The following ADAM23 variants were observed in gnomAD, a reference collection of about 807,000 sequenced individuals.
The protein encoded by ADAM23 is disintegrin and metalloproteinase domain-containing protein 23.
ADAM23 carries 33 observed loss-of-function variants against 120.1 expected under a neutral mutation model. That is an observed-to-expected ratio of 0.27 (90% confidence interval 0.21 to 0.37). The LOEUF is 0.37. Among genes scored for constraint, ADAM23 ranks in the 10% least tolerant of loss-of-function variants. The pLI, the probability that ADAM23 is intolerant of heterozygous loss-of-function variation, is 1.00. For missense variants in ADAM23, 862 were observed against 1,058.2 expected, an observed-to-expected ratio of 0.81 and a Z score of 2.57; for synonymous variants, 367 against 375.2, an observed-to-expected ratio of 0.98 and a Z score of 0.25.
intron 4 of ADAM23, among the ~76,000 whole-genome samples, chr2:206,538,825 G>T (rs1697234119): frequency 6.6e-6 from 1 of 152,034 alleles, no homozygotes; most frequent in Non-Finnish European, 1.5e-5. Flanking sequence ...TGCCCAGGCT[G>T]GTCTCAAACT....
intron 2 of ADAM23, among the ~76,000 whole-genome samples, chr2:206,465,030 A>G (rs1171385149): frequency 6.6e-6 from 1 of 151,990 alleles, no homozygotes; most frequent in Non-Finnish European, 1.5e-5. Flanking sequence ...TTCTGCCCTA[A>G]GTACTACAAC....
chr2:206,619,784 CATCTT>C lies in ADAM23; in HGVS notation c.*2161_*2165del, dbSNP rs1470487209. On this transcript the variant is annotated 3_prime_UTR_variant, in exon 26 of 26. Coordinates refer to ENST00000264377, the MANE Select transcript of ADAM23 (RefSeq NM_003812.4). ...TATTCTACAATAGACCATCACCAAA[CATCTT>C]ATCATGTTGTTGCTTTCTGAGTAAT... The C allele has an allele frequency of 6.6e-6, 1 of 152,160 alleles. No individual in the cohort carries two copies. Among genetic ancestry groups the C allele is most frequent in the Non-Finnish European group, 1.5e-5 (1 of 68,038 alleles). 9.4% of individuals were successfully genotyped at this position (152,160 alleles called of 1,614,324 possible). A position where few individuals can be genotyped will look rare whatever the true frequency, so the allele number is the denominator to read the frequency against.
rs1003037860 is a variant in ADAM23 at position 206,547,411 on chromosome 2, A to G, written c.721-18A>G. On this transcript the variant is annotated intron_variant, in intron 6 of 25. Coordinates refer to ENST00000264377, the MANE Select transcript of ADAM23 (RefSeq NM_003812.4). ...TCACATCTTGCTTTCTAAATTGCCT[A>G]CAATTGTTTTGTTTCAGAAAAGCAC... The G allele has an allele frequency of 1.9e-6, 3 of 1,604,116 alleles. No individual in the cohort carries two copies. The highest frequency in any genetic ancestry group is 1.7e-5 in the Admixed American group (1 of 59,252).
Position 206,547,486 on chromosome 2 carries a change from C to T in ADAM23, c.778C>T (p.Gln260Ter). The change falls in exon 7 of 26, where the codon CAA becomes TAA. Residue 260 changes from glutamine (Q) to a stop codon, truncating the protein, a stop_gained. Coordinates refer to ENST00000264377, the MANE Select transcript of ADAM23 (RefSeq NM_003812.4). LOFTEE classifies it high-confidence loss of function. Reference sequence around the variant, plus strand: ...AACCTTGGCAGGACAGTATTCTAAGCAAATGAAGAATCTCAGTAAGTTTTA... The same window carrying T: ...AACCTTGGCAGGACAGTATTCTAAGTAAATGAAGAATCTCAGTAAGTTTTA... ...QKTLAGQYSKQMKNLTMERGD... is the reference protein window; with the variant it reads ...QKTLAGQYSK 6.2e-7 allele frequency: 1 copy of T among 1,611,312 alleles called. No individual in the cohort carries two copies. Among genetic ancestry groups the T allele is most frequent in the Non-Finnish European group, 8.5e-7 (1 of 1,178,110 alleles).
At position 206,588,123 on chromosome 2, in the gene ADAM23, A is replaced by G. The variant is rs1698358499; in HGVS notation, c.1821A>G (p.Arg607=). The G allele has an allele frequency of 6.2e-7, 1 of 1,613,980 alleles. No homozygotes were observed. Among genetic ancestry groups the G allele is most frequent in the African/African-American group, 1.3e-5 (1 of 74,928 alleles). The change falls in exon 20 of 26, where the codon AGA becomes AGG. Residue 607 remains arginine (R), a synonymous_variant. Coordinates refer to ENST00000264377, the MANE Select transcript of ADAM23 (RefSeq NM_003812.4). ...GRCYNGECKT[R]DNQCQYIWGT... ...GCTACAATGGCGAGTGCAAGACCAG[A>G]GACAACCAGTGTCAGTACATCTGGG...
At chr2:206,459,628 CACAGACCT>C (rs1695372235) in intron 2 of ADAM23, among the ~76,000 whole-genome samples, 1 of 152,192 alleles carries the variant, frequency 6.6e-6, no homozygotes, top group Non-Finnish European at 1.5e-5. Flanking sequence ...TTCCTTGATA[CACAGACCT>C]ACATATCCAA....
intron 18 of ADAM23, among the ~76,000 whole-genome samples, chr2:206,581,070 A>G (rs959846649): frequency 2.0e-5 from 3 of 151,938 alleles, no homozygotes; most frequent in East Asian, 1.9e-4. Context: ...CTCCTGTTTC[A>G]TTTCTTAGTG....
intron 3 of ADAM23, among the ~76,000 whole-genome samples, chr2:206,523,007 A>T (rs1696875011): frequency 6.6e-6 from 1 of 151,990 alleles, no homozygotes; most frequent in Non-Finnish European, 1.5e-5. Flanking sequence ...TTATTTAAAG[A>T]TTTTTCTTCT....
chr2:206,548,598 G>A lies in ADAM23; in HGVS notation c.867+244G>A, dbSNP rs534089610. The stretch of plus-strand genomic sequence containing the variant: ...TGAACCCTGACGTCATCTAAAGAAC[G>A]TGTTGTTTTAGCTCTGTTTTCTACG... On this transcript the variant is annotated intron_variant, in intron 8 of 25. Transcript: ENST00000264377. Among the ~76,000 whole-genome samples the A allele has an allele frequency of 3.3e-5, 5 of 152,232 alleles. No individual in the cohort carries two copies. The East Asian group carries it at 9.6e-4, about 29-fold the overall frequency.
In ADAM23 at chr2:206,582,496, TTC is replaced by T. The variant is rs528642753; in HGVS notation, c.1738-4827_1738-4826del. Among the ~76,000 whole-genome samples, 465 of 152,322 alleles carry T rather than the reference TTC, an allele frequency of 3.1e-3. 2 individuals carry two copies. The highest frequency in any genetic ancestry group is 0.011 in the African/African-American group (443 of 41,566). ...TGGTGAGTTCTTATCCATTCTGTGCTTCTGTATCTTTTAAGTGGAACATTTAG... is the reference window on the plus strand; with the variant it reads ...TGGTGAGTTCTTATCCATTCTGTGCTTGTATCTTTTAAGTGGAACATTTAG... On this transcript the variant is annotated intron_variant, in intron 18 of 25. Transcript: ENST00000264377.
At chr2:206,574,250 C>T (rs1020892989) in intron 18 of ADAM23, among the ~76,000 whole-genome samples, 1 of 152,078 alleles carries the variant, frequency 6.6e-6, no homozygotes, top group African/African-American at 2.4e-5. Flanking sequence ...AGGGAAGCTC[C>T]CTCAACCTGG....
intron 3 of ADAM23, among the ~76,000 whole-genome samples, chr2:206,529,813 A>G (rs1384353136): frequency 6.9e-6 from 1 of 144,324 alleles, no homozygotes; most frequent in Non-Finnish European, 1.5e-5. Flanking sequence ...GTGTGTGTAT[A>G]TATACATTTT....
intron 2 of ADAM23, among the ~76,000 whole-genome samples, chr2:206,447,536 G>C (rs768575659): frequency 1.3e-5 from 2 of 152,142 alleles, no homozygotes; most frequent in Non-Finnish European, 2.9e-5. Flanking sequence ...TACCCTTTGT[G>C]TTCTGTGACC....
At chr2:206,542,395 G>A (rs752772905) in intron 5 of ADAM23, among the ~76,000 whole-genome samples, 2 of 152,146 alleles carry the variant, frequency 1.3e-5, no homozygotes, top group African/African-American at 2.4e-5. Context: ...GATGCTTGTG[G>A]AGTGGCAAAA....
intron 6 of ADAM23, among the ~76,000 whole-genome samples, chr2:206,545,089 A>G (rs1697367959): frequency 6.6e-6 from 1 of 152,206 alleles, no homozygotes; most frequent in African/African-American, 2.4e-5. Flanking sequence ...GATCAGTGAA[A>G]AGAACTGTAG....
chr2:206,570,835 C>T lies in ADAM23; in HGVS notation c.1566+24C>T, dbSNP rs1233257880. On this transcript the variant is annotated intron_variant, in intron 16 of 25. Transcript: ENST00000264377. The stretch of plus-strand genomic sequence containing the variant: ...TGGTAGGTATAAGAAACCTTCTATA[C>T]TTACAGCACAGATCTTACTTGGTGC... 4 of 1,595,612 alleles carry T rather than the reference C, an allele frequency of 2.5e-6. No individual in the cohort carries two copies. In the East Asian group the frequency reaches 8.9e-5, roughly 36 times the overall value.
At chr2:206,529,997 G>C (rs1455543722) in intron 3 of ADAM23, among the ~76,000 whole-genome samples, 2 of 152,160 alleles carry the variant, frequency 1.3e-5, no homozygotes, top group Non-Finnish European at 2.9e-5. Flanking sequence ...TTTTTGTAGA[G>C]ATGGGGTTTC....
At chr2:206,449,281 A>T (rs985044640) in intron 2 of ADAM23, among the ~76,000 whole-genome samples, 9 of 152,184 alleles carry the variant, frequency 5.9e-5, no homozygotes, top group African/African-American at 2.2e-4. Flanking sequence ...GGAGACTTTT[A>T]TGGGCGTAAA....
At chr2:206,573,341 A>T in intron 18 of ADAM23, 146 bp downstream of exon 18, 1 of 748,770 alleles carries the variant, frequency 1.3e-6, no homozygotes, top group Non-Finnish European at 2.3e-6. Flanking sequence ...TATCTTGGGG[A>T]TGGGACTCAA....
Sources: allele counts gnomAD v4.1 joint callset (sites outside exome capture counted in the v4.1 genomes callset), GRCh38; gene constraint gnomAD v4.1.1; transcripts MANE v1.5; gene names NCBI Gene and HGNC (gene_info 2026-07-23, HGNC 2026-07-21).